C6orf58: variants seen among roughly 807,000 people sequenced by gnomAD.
C6orf58 encodes chromosome 6 open reading frame 58.
A neutral mutation model predicts 37.0 loss-of-function variants in C6orf58; 30 were observed. The observed-to-expected ratio is 0.81, with a 90% CI of 0.61 to 1.10. The LOEUF (loss-of-function observed/expected upper bound fraction) is 1.10. Ranked by LOEUF, C6orf58 falls within the 50% of genes least tolerant of loss-of-function variation. C6orf58 has a pLI of 0.00. For missense variants in C6orf58, 368 were observed against 387.5 expected, an observed-to-expected ratio of 0.95 and a Z score of 0.42; for synonymous variants, 143 against 134.1, an observed-to-expected ratio of 1.07 and a Z score of -0.46.
chr6:127,578,863 A>G, intron 2 of C6orf58, 91 bp downstream of exon 2: 1 of 902,892 alleles, frequency 1.1e-6, no homozygotes. Context: ...CAGAACTAAA[A>G]TAATCCTGTT....
intron 4 of C6orf58, among the ~76,000 whole-genome samples, chr6:127,587,356 A>G (rs906819981): frequency 6.6e-6 from 1 of 152,214 alleles, no homozygotes; most frequent in Non-Finnish European, 1.5e-5. Flanking sequence ...ATATAGGTGC[A>G]CTATTAAGAA....
At chr6:127,586,416 C>T (rs940478795) in intron 4 of C6orf58, among the ~76,000 whole-genome samples, 1 of 152,206 alleles carries the variant, frequency 6.6e-6, no homozygotes, top group Non-Finnish European at 1.5e-5. Context: ...CAGGCCACCA[C>T]TCGAGCTGAA....
At chr6:127,589,771 A>G (rs1775141963) in intron 4 of C6orf58, among the ~76,000 whole-genome samples, 1 of 152,208 alleles carries the variant, frequency 6.6e-6, no homozygotes, top group Admixed American at 6.5e-5. Flanking sequence ...TACATTGGCA[A>G]AGAGTATGAT....
chr6:127,580,433 G>A lies in C6orf58; in HGVS notation c.557G>A (p.Trp186Ter). The stretch of plus-strand genomic sequence containing the variant: ...TCCTTCCCTGAGACAATGAACAAGT[G>A]GAACACCTTTTACCAGGTTCCTTCT... ...RSSFPETMNKWNTFYQYLQSP... is the reference protein window; with the variant it reads ...RSSFPETMNK The change falls in exon 3 of 6, where the codon TGG becomes TAG. Residue 186 changes from tryptophan (W) to a stop codon, truncating the protein, a stop_gained. Coordinates refer to ENST00000329722, the MANE Select transcript of C6orf58 (RefSeq NM_001010905.3). LOFTEE classifies it high-confidence loss of function. 6.2e-7 allele frequency: 1 copy of A among 1,611,996 alleles called. No individual in the cohort carries two copies. Among genetic ancestry groups the A allele is most frequent in the Non-Finnish European group, 8.5e-7 (1 of 1,178,510 alleles).
At chr6:127,591,282 A>G (rs1476211837) in intron 5 of C6orf58, among the ~76,000 whole-genome samples, 1 of 152,158 alleles carries the variant, frequency 6.6e-6, no homozygotes, top group Non-Finnish European at 1.5e-5. Context: ...TTTTATATAT[A>G]TTTTTCTTGC....
intron 4 of C6orf58, among the ~76,000 whole-genome samples, chr6:127,586,132 A>T (rs1775103856): frequency 6.6e-6 from 1 of 152,168 alleles, no homozygotes; most frequent in South Asian, 2.1e-4. Context: ...GTAGACTGAT[A>T]AATCTATGAA....
intron 4 of C6orf58, among the ~76,000 whole-genome samples, chr6:127,582,537 T>A (rs1211488329): frequency 1.3e-5 from 2 of 152,226 alleles, no homozygotes; most frequent in Admixed American, 6.5e-5. Flanking sequence ...TTACCTAATA[T>A]GCCTTTAGCA....
At chr6:127,578,018 T>C (rs1007049975) in intron 1 of C6orf58, among the ~76,000 whole-genome samples, 2 of 152,090 alleles carry the variant, frequency 1.3e-5, no homozygotes, top group African/African-American at 2.4e-5. Context: ...ATACATGAAT[T>C]GAAAGATACT....
intron 5 of C6orf58, among the ~76,000 whole-genome samples, chr6:127,591,321 TAGAA>T (rs1371445936): frequency 6.6e-6 from 1 of 152,172 alleles, no homozygotes; most frequent in African/African-American, 2.4e-5. Context: ...ACCAAATTCA[TAGAA>T]AGAACGTGAA....
intron 4 of C6orf58, among the ~76,000 whole-genome samples, chr6:127,582,623 G>C (rs1370018213): frequency 6.6e-6 from 1 of 152,166 alleles, no homozygotes. Context: ...TGTATGAGAC[G>C]TATTTCTAAG....
chr6:127,591,603 G>A lies in C6orf58; in HGVS notation c.974G>A (p.Ser325Asn). 3 of 1,522,150 alleles carry A rather than the reference G, an allele frequency of 2.0e-6. No homozygotes were observed. Among genetic ancestry groups the A allele is most frequent in the Non-Finnish European group, 2.6e-6 (3 of 1,140,500 alleles). The allele number at this position is 1,522,150 out of a possible 1,614,324, so 94.3% of individuals were successfully genotyped here. A position where few individuals can be genotyped will look rare whatever the true frequency, so the allele number is the denominator to read the frequency against. The change falls in exon 6 of 6, where the codon AGT becomes AAT. Residue 325 changes from serine (S) to asparagine (N), a missense_variant. By Grantham distance (46) the Ser-to-Asn change is conservative (BLOSUM62 1). Transcript: ENST00000329722. Reference sequence around the variant, plus strand: ...GATCATTCGGAATCTAGCTCTAGAAGTTATGGAAATAACTCCTGAAACATT... The same window carrying A: ...GATCATTCGGAATCTAGCTCTAGAAATTATGGAAATAACTCCTGAAACATT... ...YRDHSESSSR[S>N]YGNNS
intron 3 of C6orf58, 95 bp from the exon 4 acceptor site, chr6:127,581,087 C>T (rs1193072296): frequency 2.9e-5 from 14 of 487,726 alleles, no homozygotes; most frequent in Non-Finnish European, 4.2e-5. Context: ...CTTTTATGTA[C>T]AATATTGCTA....
At chr6:127,591,503 T>G in intron 5 of C6orf58, 40 bp from the exon 6 acceptor site, 1 of 1,477,402 alleles carries the variant, frequency 6.8e-7, no homozygotes, top group East Asian at 2.6e-5. Context: ...TTTAAAAAAT[T>G]TGCAAGAGTT....
chr6:127,590,090 T>C lies in C6orf58; in HGVS notation c.678T>C (p.Tyr226=), dbSNP rs752170519. The stretch of plus-strand genomic sequence containing the variant: ...TACTTTTCCGTTTGTCTTTTAGATA[T>C]GATTATTATTCTAAAGCAGAAGCGC... ...ADNIKSFEDR[Y]DYYSKAEAHF... is the part of the protein sequence containing the mutation. Residue 226 remains tyrosine, a synonymous_variant, in exon 5 of 6, where the codon TAT becomes TAC. Coordinates refer to ENST00000329722, the MANE Select transcript of C6orf58 (RefSeq NM_001010905.3). The C allele has an allele frequency of 1.9e-6, 3 of 1,601,464 alleles. No individual in the cohort carries two copies. Among genetic ancestry groups the C allele is most frequent in the African/African-American group, 2.7e-5 (2 of 74,606 alleles).
chr6:127,579,043 G>T (rs1775020682), intron 2 of C6orf58, among the ~76,000 whole-genome samples: 1 of 152,054 alleles, frequency 6.6e-6, no homozygotes, highest in Non-Finnish European at 1.5e-5. Flanking sequence ...GGCCAGCTCT[G>T]GTAGTTAGGT....
chr6:127,585,669 A>C (rs1775099601), intron 4 of C6orf58, among the ~76,000 whole-genome samples: 1 of 152,252 alleles, frequency 6.6e-6, no homozygotes, highest in African/African-American at 2.4e-5. Flanking sequence ...ACCTTGGCTT[A>C]ACACAGGGAA....
At chr6:127,589,370 A>G (rs1463538737) in intron 4 of C6orf58, among the ~76,000 whole-genome samples, 4 of 152,210 alleles carry the variant, frequency 2.6e-5, no homozygotes, top group Non-Finnish European at 5.9e-5. Context: ...TTGCAAAACT[A>G]CAAGTTGTTT....
intron 4 of C6orf58, among the ~76,000 whole-genome samples, chr6:127,582,978 A>T (rs1775066220): frequency 6.6e-6 from 1 of 152,216 alleles, no homozygotes; most frequent in African/African-American, 2.4e-5. Context: ...ATTATGAGTC[A>T]GCATTAGTAA....
At chr6:127,580,601 A>G in intron 3 of C6orf58, 152 bp downstream of exon 3, 1 of 577,944 alleles carries the variant, frequency 1.7e-6, no homozygotes, top group Non-Finnish European at 3.0e-6. Context: ...GTAGAGTGTT[A>G]TGAGTCATTA....
Sources: allele counts gnomAD v4.1 joint callset (sites outside exome capture counted in the v4.1 genomes callset), GRCh38; gene constraint gnomAD v4.1.1; transcripts MANE v1.5; gene names NCBI Gene and HGNC (gene_info 2026-07-23, HGNC 2026-07-21).